Variants in MAP1B observed in about 807,000 individuals in gnomAD.
The protein encoded by MAP1B is microtubule-associated protein 1B.
Under a neutral mutation model 176.1 loss-of-function variants are expected in MAP1B, and 12 were observed. That is an observed-to-expected ratio of 0.07 (90% CI 0.04 to 0.11). The LOEUF (loss-of-function observed/expected upper bound fraction) is 0.11. MAP1B is among the 10% of genes least tolerant of loss of function. The pLI is 1.00. For synonymous variants in MAP1B, 1,044 were observed against 1,135.0 expected (o/e 0.92, Z 1.61); for missense variants, 2,523 against 2,990.5 (o/e 0.84, Z 3.65).
Position 72,199,285 on chromosome 5 carries a change from C to T in MAP1B, c.5930C>T (p.Thr1977Ile). 2 of 1,614,146 alleles carry T rather than the reference C, an allele frequency of 1.2e-6. No homozygotes were observed. Among genetic ancestry groups the T allele is most frequent in the Non-Finnish European group, 1.7e-6 (2 of 1,180,026 alleles). ...PEVSGYSYEK[T>I]ERSRRLLDDI... ...GTGAGTGGTTACAGCTATGAAAAGA[C>T]TGAGAGGTCTAGAAGGCTTCTGGAT... Residue 1977 changes from threonine (T) to isoleucine (I), a missense_variant, in exon 5 of 7, where the codon ACT becomes ATT. Physicochemically the swap from Thr to Ile is moderately conservative, Grantham distance 89. This residue lies in a region of MAP1B where 1,925 missense variants were observed against 2,126.0 expected (regional missense o/e 0.91). Coordinates refer to ENST00000296755, the MANE Select transcript of MAP1B (RefSeq NM_005909.5). The surrounding 1 kb of genome is among the most constrained non-coding windows in gnomAD (Gnocchi z 4.2).
At chr5:72,152,429 A>G (rs1057192811) in intron 2 of MAP1B, among the ~76,000 whole-genome samples, 1 of 152,164 alleles carries the variant, frequency 6.6e-6, no homozygotes. Flanking sequence ...AAGCATTTGG[A>G]AAATCCCATG....
At chr5:72,130,683 A>T (rs926896288) in intron 2 of MAP1B, among the ~76,000 whole-genome samples, 3 of 152,224 alleles carry the variant, frequency 2.0e-5, no homozygotes, top group Non-Finnish European at 4.4e-5. Context: ...TGGACAGAGC[A>T]CTTAAGGAAT....
chr5:72,167,016 C>CT (rs35935162), intron 2 of MAP1B, among the ~76,000 whole-genome samples: 10,559 of 142,290 alleles, frequency 0.074, 489 homozygotes, highest in Admixed American at 0.1. Context: ...TATATTCCTT[C>CT]TTTTTTTTTT....
chr5:72,108,928 T>C (rs1233278255), intron 1 of MAP1B, among the ~76,000 whole-genome samples: 1 of 152,196 alleles, frequency 6.6e-6, no homozygotes, highest in Non-Finnish European at 1.5e-5. Flanking sequence ...TCTATTCTCC[T>C]GGGGTGGTGC....
chr5:72,149,776 A>G (rs1009981310), intron 2 of MAP1B, among the ~76,000 whole-genome samples: 15 of 152,188 alleles, frequency 9.9e-5, no homozygotes, highest in Non-Finnish European at 4.4e-5. Context: ...ACTTCTCTTC[A>G]TTTTCTACTT....
At chr5:72,124,089 G>A (rs982648337) in intron 2 of MAP1B, among the ~76,000 whole-genome samples, 1 of 152,134 alleles carries the variant, frequency 6.6e-6, no homozygotes, top group Non-Finnish European at 1.5e-5. Flanking sequence ...CAATGACAAA[G>A]GTTACCCAGG....
At chr5:72,125,151 T>G (rs1745603845) in intron 2 of MAP1B, among the ~76,000 whole-genome samples, 2 of 152,304 alleles carry the variant, frequency 1.3e-5, no homozygotes, top group South Asian at 2.1e-4. Context: ...TTAGGGATGA[T>G]GTAGCAACCG....
intron 2 of MAP1B, among the ~76,000 whole-genome samples, chr5:72,161,280 A>C (rs1746320520): frequency 6.6e-6 from 1 of 152,200 alleles, no homozygotes; most frequent in African/African-American, 2.4e-5. Context: ...CTGGTTTTCC[A>C]TGTGTACAGT....
chr5:72,163,243 A>G (rs1322714424), intron 2 of MAP1B, among the ~76,000 whole-genome samples: 1 of 151,764 alleles, frequency 6.6e-6, no homozygotes, highest in East Asian at 1.9e-4. Flanking sequence ...AAAAAAAAAA[A>G]AAAAAGAAAG....
chr5:72,129,418 G>A (rs574892475), intron 2 of MAP1B, among the ~76,000 whole-genome samples: 9 of 152,228 alleles, frequency 5.9e-5, no homozygotes, highest in South Asian at 2.1e-4. Flanking sequence ...TTAGCCAGGC[G>A]TGGTGGCAGG....
intron 2 of MAP1B, among the ~76,000 whole-genome samples, chr5:72,129,409 T>C (rs1300152428): frequency 6.6e-6 from 1 of 152,006 alleles, no homozygotes; most frequent in African/African-American, 2.4e-5. Flanking sequence ...TAGAAAAAAT[T>C]AGCCAGGCGT....
At chr5:72,121,842 C>T (rs1266620086) in intron 2 of MAP1B, among the ~76,000 whole-genome samples, 2 of 152,194 alleles carry the variant, frequency 1.3e-5, no homozygotes, top group Non-Finnish European at 2.9e-5. Flanking sequence ...CAGCCCTGCT[C>T]CAACCTTTAA....
intron 2 of MAP1B, among the ~76,000 whole-genome samples, chr5:72,125,472 A>C (rs1262159923): frequency 6.6e-6 from 1 of 152,170 alleles, no homozygotes; most frequent in Non-Finnish European, 1.5e-5. Context: ...TCTGTCATTA[A>C]ATATTTATGT....
At chr5:72,179,020 G>A (rs1746710070) in intron 2 of MAP1B, among the ~76,000 whole-genome samples, 1 of 152,100 alleles carries the variant, frequency 6.6e-6, no homozygotes, top group Non-Finnish European at 1.5e-5. Flanking sequence ...CCAGCTTTGG[G>A]AGAGCACAAA....
intron 2 of MAP1B, among the ~76,000 whole-genome samples, chr5:72,168,379 A>C (rs372043724): frequency 6.6e-6 from 1 of 152,246 alleles, no homozygotes; most frequent in Non-Finnish European, 1.5e-5. Context: ...ATTTTTACAG[A>C]GACAAAATAT....
chr5:72,125,993 CT>C (rs1440780610), intron 2 of MAP1B, among the ~76,000 whole-genome samples: 1 of 152,164 alleles, frequency 6.6e-6, no homozygotes, highest in Non-Finnish European at 1.5e-5. Flanking sequence ...CATTGGCAGA[CT>C]CTGAAGACAC....
At chr5:72,135,117 C>T (rs1295775245) in intron 2 of MAP1B, among the ~76,000 whole-genome samples, 1 of 151,584 alleles carries the variant, frequency 6.6e-6, no homozygotes. Flanking sequence ...GTTGTGGCCT[C>T]CTTTCAAGCA....
intron 2 of MAP1B, among the ~76,000 whole-genome samples, chr5:72,127,447 A>T (rs959802781): frequency 1.3e-5 from 2 of 152,194 alleles, no homozygotes; most frequent in African/African-American, 4.8e-5. Context: ...TAAAAACTTC[A>T]ATTTGTTCCA....
chr5:72,133,609 G>A (rs1332004472), intron 2 of MAP1B, among the ~76,000 whole-genome samples: 1 of 152,136 alleles, frequency 6.6e-6, no homozygotes, highest in Admixed American at 6.6e-5. Flanking sequence ...CTTTACAGAG[G>A]ATTTATGAAA....
Sources: gnomAD v4.1 joint callset for allele counts (sites outside exome capture counted in the v4.1 genomes callset) on GRCh38, gnomAD v4.1.1 for gene constraint, gnomAD v4.1.1 regional missense constraint, Gnocchi (gnomAD v3.1) non-coding constraint, MANE v1.5 for transcripts, NCBI Gene and HGNC (gene_info 2026-07-23, HGNC 2026-07-21) for gene names.